Variants in ADAMTS13 observed in about 807,000 individuals in gnomAD.
ADAMTS13 encodes A disintegrin and metalloproteinase with thrombospondin motifs 13.
ADAMTS13 carries 110 observed loss-of-function variants against 155.1 expected under a neutral mutation model. The ratio of observed to expected loss-of-function variants is 0.71; its 90% CI spans 0.61 to 0.83. ADAMTS13 has a LOEUF of 0.83. Ranked by LOEUF, ADAMTS13 falls within the 40% of genes least tolerant of loss-of-function variation. The pLI is 0.00. For missense variants in ADAMTS13, 1,707 were observed against 1,891.7 expected (o/e 0.90, Z 1.81); for synonymous variants, 758 against 756.4 (o/e 1.00, Z -0.03).
chr9:133,437,599 G>C (rs1465175830), intron 12 of ADAMTS13, 150 bp from the exon 13 acceptor site: 2 of 893,116 alleles, frequency 2.2e-6, no homozygotes, highest in African/African-American at 3.3e-5. Context: ...GATTAGATTA[G>C]GATCGTGATT....
At position 133,415,091 on chromosome 9, in the gene ADAMTS13, G is replaced by C. The variant is rs587627062; in HGVS notation, n.287+447G>C. 37 of 1,054,590 alleles carry C rather than the reference G, an allele frequency of 3.5e-5. No individual in the cohort carries two copies. In the African/African-American group the frequency reaches 5.4e-4, roughly 15 times the overall value. The allele number at this position is 1,054,590 out of a possible 1,614,324, so 65.3% of individuals were successfully genotyped here. ...AGATTGAAAAAACTTACGTGTGTAT[G>C]TATATACACACATATACACCAAACA... On this transcript the variant is annotated intron_variant and non_coding_transcript_variant, in intron 1 of 17. Transcript: ENST00000485925.
chr9:133,437,888 C>T lies in ADAMTS13; in HGVS notation c.1575C>T (p.Gly525=), dbSNP rs1554789603. The change falls in exon 13 of 29, where the codon GGC becomes GGT. Residue 525 remains glycine (G), a synonymous_variant. Transcript: ENST00000355699. ...EDGTLSLCVS[G]SCRTFGCDGR... is the part of the protein sequence containing the mutation. ...GGACCCTGAGCCTGTGTGTGTCGGGCAGCTGCAGGGTAGGCGTGTGTGGAC... is the reference window on the plus strand; with the variant it reads ...GGACCCTGAGCCTGTGTGTGTCGGGTAGCTGCAGGGTAGGCGTGTGTGGAC... 10 of 1,613,582 alleles carry T rather than the reference C, an allele frequency of 6.2e-6. No homozygotes were observed. Among genetic ancestry groups the T allele is most frequent in the Admixed American group, 1.7e-5 (1 of 60,020 alleles).
chr9:133,447,595 T>C (rs1842155974), intron 21 of ADAMTS13, among the ~76,000 whole-genome samples: 1 of 151,900 alleles, frequency 6.6e-6, no homozygotes, highest in Non-Finnish European at 1.5e-5. Context: ...TTCTTTTTTT[T>C]CTTTTTTTTG....
intron 7 of ADAMTS13, chr9:133,429,702 C>G (rs1840587714): frequency 2.9e-6 from 2 of 696,450 alleles, no homozygotes; most frequent in Admixed American, 4.0e-5. Flanking sequence ...CCACTCAGAC[C>G]CGTCCCTCCG....
At chr9:133,450,549 C>G (rs1842372061) in intron 23 of ADAMTS13, among the ~76,000 whole-genome samples, 1 of 140,374 alleles carries the variant, frequency 7.1e-6, no homozygotes, top group Non-Finnish European at 1.5e-5. Context: ...TGGCTAACAG[C>G]AGCAAAACTC....
chr9:133,424,490 A>G lies in ADAMTS13; in HGVS notation c.330+12A>G, dbSNP rs782215999. On this transcript the variant is annotated intron_variant, in intron 3 of 28. Coordinates refer to ENST00000355699, the MANE Select transcript of ADAMTS13 (RefSeq NM_139027.6). This position sits in a 1 kb window ranked among gnomAD's most constrained non-coding sequence, Gnocchi z 4.3. ...CCAACCTCAACATCGTGAGTGCCCCACGCTGGACTGTGCAGGTCCCCACGG... is the reference window on the plus strand; with the variant it reads ...CCAACCTCAACATCGTGAGTGCCCCGCGCTGGACTGTGCAGGTCCCCACGG... The G allele has an allele frequency of 3.1e-6, 5 of 1,610,012 alleles. No homozygotes were observed. In the South Asian group the frequency reaches 4.4e-5, roughly 14 times the overall value.
intron 25 of ADAMTS13, 159 bp from the exon 26 acceptor site, chr9:133,455,910 T>G: frequency 1.0e-6 from 1 of 958,390 alleles, no homozygotes; most frequent in South Asian, 1.4e-5. Flanking sequence ...CTCTGACCTA[T>G]GCAGCCCCCC....
chr9:133,454,839 C>G lies in ADAMTS13; in HGVS notation c.3249+220C>G, dbSNP rs587693788. 2.0e-5 allele frequency among the ~76,000 whole-genome samples: 3 copies of G among 149,934 alleles called. No homozygotes were observed. The East Asian group carries it at 6.0e-4, about 30-fold the overall frequency. On this transcript the variant is annotated intron_variant, in intron 24 of 28. Transcript: ENST00000355699. ...TAAGAGGCCCTTAGGTTTGGGGACG[C>G]TGGAAGATGAATGGCAGGCCACTCA...
Position 133,445,196 on chromosome 9 carries a change from G to C in ADAMTS13, c.2610+144G>C. 1.0e-6 allele frequency: 1 copy of C among 994,238 alleles called. No homozygotes were observed. The highest frequency in any genetic ancestry group is 2.6e-5 in the East Asian group (1 of 38,120). 61.6% of individuals were successfully genotyped at this position (994,238 alleles called of 1,614,324 possible). A position where few individuals can be genotyped will look rare whatever the true frequency, so the allele number is the denominator to read the frequency against. ...GGAATGCTGTCTGAGGGCCACCCCT[G>C]CTCAGAAAAGAAGCTTAGAAAGAGG... On this transcript the variant is annotated intron_variant, in intron 20 of 28. Coordinates refer to ENST00000355699, the MANE Select transcript of ADAMTS13 (RefSeq NM_139027.6). This position sits in a 1 kb window ranked among gnomAD's most constrained non-coding sequence, Gnocchi z 5.0.
intron 27 of ADAMTS13, 102 bp from the exon 28 acceptor site, chr9:133,457,808 A>G: frequency 6.8e-7 from 1 of 1,470,688 alleles, no homozygotes. Context: ...AATATTGACC[A>G]CAGTGCCATG....
rs1232389747 is a variant in ADAMTS13 at position 133,424,812 on chromosome 9, A to ACTGCCCTCTGCACCCCGACC, written c.330+344_330+363dup. Among the ~76,000 whole-genome samples, 15 of 152,120 alleles carry ACTGCCCTCTGCACCCCGACC rather than the reference A, an allele frequency of 9.9e-5. No homozygotes were observed. The highest frequency in any genetic ancestry group is 3.4e-4 in the African/African-American group (14 of 41,412). On this transcript the variant is annotated intron_variant, in intron 3 of 28. Coordinates refer to ENST00000355699, the MANE Select transcript of ADAMTS13 (RefSeq NM_139027.6). This position sits in a 1 kb window ranked among gnomAD's most constrained non-coding sequence, Gnocchi z 4.3. ...GGCAAATGGGATACGGGCTGCTCAC[A>ACTGCCCTCTGCACCCCGACC]CTGCCCTCTGCACCCCGACCCTGCC...
intron 6 of ADAMTS13, among the ~76,000 whole-genome samples, chr9:133,427,812 C>T (rs1426519421): frequency 1.3e-5 from 2 of 152,202 alleles, no homozygotes; most frequent in East Asian, 3.8e-4. Flanking sequence ...CTAGTTAATA[C>T]CCACTTCTAA....
rs1842621892 is a variant in ADAMTS13 at position 133,454,469 on chromosome 9, T to C, written c.3099T>C (p.Ala1033=). Residue 1033 remains alanine (A), a synonymous_variant, in exon 24 of 29, where the codon GCT becomes GCC. Coordinates refer to ENST00000355699, the MANE Select transcript of ADAMTS13 (RefSeq NM_139027.6). The stretch of plus-strand genomic sequence containing the variant: ...CGGCCAGCTGTGGCCTTGGCACTGC[T>C]AGACGCTCGGTGGCCTGTGTGCAGC... ...PCSASCGLGT[A]RRSVACVQLD... The C allele has an allele frequency of 1.2e-6, 2 of 1,613,446 alleles. No homozygotes were observed. The highest frequency in any genetic ancestry group is 1.7e-6 in the Non-Finnish European group (2 of 1,180,028).
rs115138945 is a variant in ADAMTS13 at position 133,416,613 on chromosome 9, A to G, written n.287+1969A>G. On this transcript the variant is annotated intron_variant and non_coding_transcript_variant, in intron 1 of 17. Coordinates refer to the ADAMTS13 transcript ENST00000485925. Reference sequence around the variant, plus strand: ...GGGATGTGGTAAGAATGTATGAGTGACGCACGTGGAAGAGTGTCTAGGAGA... The same window carrying G: ...GGGATGTGGTAAGAATGTATGAGTGGCGCACGTGGAAGAGTGTCTAGGAGA... 8.9e-3 allele frequency among the ~76,000 whole-genome samples: 1,348 copies of G among 152,302 alleles called. 19 individuals are homozygous for G. Among genetic ancestry groups the G allele is most frequent in the African/African-American group, 0.031 (1,274 of 41,560 alleles).
At chr9:133,452,406 C>T (rs1463914809) in intron 23 of ADAMTS13, among the ~76,000 whole-genome samples, 1 of 152,020 alleles carries the variant, frequency 6.6e-6, no homozygotes, top group Non-Finnish European at 1.5e-5. Flanking sequence ...CTTGCCCATA[C>T]AAAATTGTTT....
At chr9:133,457,846 G>A (rs1466776148) in intron 27 of ADAMTS13, 64 bp from the exon 28 acceptor site, 9 of 1,603,570 alleles carry the variant, frequency 5.6e-6, no homozygotes, top group Admixed American at 5.0e-5. Context: ...CTGGCTGTGA[G>A]TTGTCCTGGC....
At position 133,423,130 on chromosome 9, in the gene ADAMTS13, C is replaced by G; in HGVS notation, c.135C>G (p.Ala45=). The G allele has an allele frequency of 6.2e-7, 1 of 1,613,860 alleles. No individual in the cohort carries two copies. Among genetic ancestry groups the G allele is most frequent in the Admixed American group, 1.7e-5 (1 of 59,996 alleles). ...QSCLQALEPQ[A]VSSYLSPGAP... Reference sequence around the variant, plus strand: ...GTCTTCAGGCTTTGGAGCCACAGGCCGTGTCTTCTTACTTGAGCCCTGGTG... The same window carrying G: ...GTCTTCAGGCTTTGGAGCCACAGGCGGTGTCTTCTTACTTGAGCCCTGGTG... Residue 45 remains alanine, a synonymous_variant, in exon 2 of 29, where the codon GCC becomes GCG. Coordinates refer to ENST00000355699, the MANE Select transcript of ADAMTS13 (RefSeq NM_139027.6).
chr9:133,425,964 C>T lies in ADAMTS13; in HGVS notation c.441C>T (p.Leu147=). ...GTGCTCCAAATATCACAGCCAACCTCACCTCGTCCCTGCTGAGCGTCTGTG... is the reference window on the plus strand; with the variant it reads ...GTGCTCCAAATATCACAGCCAACCTTACCTCGTCCCTGCTGAGCGTCTGTG... ...PEGAPNITAN[L]TSSLLSVCGW... is the part of the protein sequence containing the mutation. Residue 147 remains leucine, a synonymous_variant, in exon 5 of 29, where the codon CTC becomes CTT. Coordinates refer to ENST00000355699, the MANE Select transcript of ADAMTS13 (RefSeq NM_139027.6). The surrounding 1 kb of genome is among the most constrained non-coding windows in gnomAD (Gnocchi z 4.6). 6.2e-7 allele frequency: 1 copy of T among 1,613,860 alleles called. No homozygotes were observed. Among genetic ancestry groups the T allele is most frequent in the Non-Finnish European group, 8.5e-7 (1 of 1,180,038 alleles).
chr9:133,432,839 G>A, intron 9 of ADAMTS13, 147 bp downstream of exon 9: 1 of 827,894 alleles, frequency 1.2e-6, no homozygotes, highest in African/African-American at 1.7e-5. Context: ...CCTTTGGGTT[G>A]GTGGTCTGAC....
Sources: allele counts gnomAD v4.1 joint callset (sites outside exome capture counted in the v4.1 genomes callset), GRCh38; gene constraint gnomAD v4.1.1; non-coding constraint Gnocchi (gnomAD v3.1); transcripts MANE v1.5; gene names NCBI Gene and HGNC (gene_info 2026-07-23, HGNC 2026-07-21).